CACNA2D3: variants seen among roughly 807,000 people sequenced by gnomAD.
The protein encoded by CACNA2D3 is calcium voltage-gated channel auxiliary subunit alpha2delta 3.
In CACNA2D3, 60 loss-of-function variants were observed where a neutral mutation model predicts 160.6. That is an observed-to-expected ratio of 0.37 (90% CI 0.30 to 0.46). The LOEUF is 0.46. CACNA2D3 is among the 20% of genes least tolerant of loss of function. CACNA2D3 has a pLI of 1.00. For synonymous variants in CACNA2D3, 558 were observed against 492.9 expected (o/e 1.13, Z -1.75); for missense variants, 1,205 against 1,365.0 (o/e 0.88, Z 1.85).
chr3:54,725,212 G>A (rs1275317665), intron 11 of CACNA2D3, among the ~76,000 whole-genome samples: 1 of 152,138 alleles, frequency 6.6e-6, no homozygotes, highest in Admixed American at 6.5e-5. Flanking sequence ...GTCTAAACCA[G>A]GAAGAAGTCG....
intron 17 of CACNA2D3, among the ~76,000 whole-genome samples, chr3:54,865,655 C>A (rs563601618): frequency 6.6e-6 from 1 of 152,320 alleles, no homozygotes; most frequent in African/African-American, 2.4e-5. Context: ...AGGAATAGGG[C>A]TATTTATAAA....
intron 4 of CACNA2D3, among the ~76,000 whole-genome samples, chr3:54,495,102 G>A (rs939033526): frequency 1.3e-5 from 2 of 152,324 alleles, no homozygotes; most frequent in African/African-American, 4.8e-5. Flanking sequence ...CTTAAGAGAA[G>A]GGGTCCTTCC....
At chr3:54,888,141 A>C in intron 24 of CACNA2D3, 89 bp downstream of exon 24, 1 of 1,040,370 alleles carries the variant, frequency 9.6e-7, no homozygotes, top group East Asian at 2.4e-5. Context: ...AAACTGTTTT[A>C]GGAACCTGGT....
intron 2 of CACNA2D3, among the ~76,000 whole-genome samples, chr3:54,288,487 A>G (rs1369390852): frequency 2.0e-5 from 3 of 152,260 alleles, no homozygotes; most frequent in Non-Finnish European, 4.4e-5. Context: ...GAATTCTACC[A>G]GAAGTACAAA....
intron 12 of CACNA2D3, among the ~76,000 whole-genome samples, chr3:54,758,729 C>T (rs13100029): frequency 0.22 from 33,162 of 152,042 alleles, 3,855 homozygotes; most frequent in Admixed American, 0.29. Context: ...TCATTCTTAC[C>T]TCGGCACCCT....
chr3:54,641,760 T>G (rs1280037831), intron 10 of CACNA2D3, among the ~76,000 whole-genome samples: 2 of 152,206 alleles, frequency 1.3e-5, no homozygotes, highest in Non-Finnish European at 2.9e-5. Context: ...GTTTTAACAT[T>G]AGTGCTGATC....
intron 13 of CACNA2D3, among the ~76,000 whole-genome samples, chr3:54,802,301 G>C (rs1703009472): frequency 6.6e-6 from 1 of 152,136 alleles, no homozygotes. Context: ...GGGGTAGGGA[G>C]GGGAGAAGAT....
chr3:54,621,376 G>T (rs543498248), intron 9 of CACNA2D3, among the ~76,000 whole-genome samples: 2 of 152,210 alleles, frequency 1.3e-5, no homozygotes, highest in African/African-American at 4.8e-5. Flanking sequence ...GGATGTGGCC[G>T]TGCTGCTGGC....
intron 2 of CACNA2D3, among the ~76,000 whole-genome samples, chr3:54,303,592 G>A (rs942709432): frequency 6.6e-6 from 1 of 152,162 alleles, no homozygotes; most frequent in African/African-American, 2.4e-5. Flanking sequence ...AAGTTTCAAA[G>A]CATGATACCT....
intron 35 of CACNA2D3, among the ~76,000 whole-genome samples, chr3:55,041,147 T>C (rs922413047): frequency 2.6e-5 from 4 of 152,196 alleles, no homozygotes; most frequent in African/African-American, 9.7e-5. Flanking sequence ...TACTCCATTG[T>C]ATAGAGATAC....
At chr3:54,509,979 T>C (rs150347661) in intron 5 of CACNA2D3, among the ~76,000 whole-genome samples, 1 of 152,288 alleles carries the variant, frequency 6.6e-6, no homozygotes, top group South Asian at 2.1e-4. Context: ...GTTGTATTAG[T>C]AGAAGGAAGG....
rs372624681 is a variant in CACNA2D3 at position 54,316,670 on chromosome 3, C to A, written c.205-3772C>A. 1.2e-4 allele frequency among the ~76,000 whole-genome samples: 18 copies of A among 152,270 alleles called. No homozygotes were observed. In the South Asian group the frequency reaches 1.7e-3, roughly 14 times the overall value. On this transcript the variant is annotated intron_variant, in intron 2 of 37. Coordinates refer to ENST00000474759, the MANE Select transcript of CACNA2D3 (RefSeq NM_018398.3). ...AGAGCTTTGTGCTGAGATTAGTTAG[C>A]GATGTTACAGGCACCAGTAGTCCTG...
At chr3:54,470,027 A>G (rs997939670) in intron 4 of CACNA2D3, among the ~76,000 whole-genome samples, 2 of 152,228 alleles carry the variant, frequency 1.3e-5, no homozygotes, top group African/African-American at 2.4e-5. Flanking sequence ...ATGCCGGAGA[A>G]TTTCCCCAAT....
chr3:54,883,823 C>CT (rs60132112), intron 21 of CACNA2D3, among the ~76,000 whole-genome samples: 18,943 of 88,264 alleles, frequency 0.21, 1,421 homozygotes, highest in African/African-American at 0.22. Flanking sequence ...CTCTCTCTCT[C>CT]CTCTCTCTCC....
At chr3:54,637,809 C>T (rs908392097) in intron 10 of CACNA2D3, 2 of 152,050 alleles carry the variant, frequency 1.3e-5, no homozygotes, top group Non-Finnish European at 1.5e-5. Context: ...GTTCCAGGAG[C>T]TCTGGGAGTG....
At chr3:54,286,510 A>G (rs1703030588) in intron 2 of CACNA2D3, among the ~76,000 whole-genome samples, 1 of 152,250 alleles carries the variant, frequency 6.6e-6, no homozygotes, top group African/African-American at 2.4e-5. Context: ...ACTCTGCAGG[A>G]TATTATCCAG....
At chr3:55,022,519 G>A (rs201602697) in intron 35 of CACNA2D3, among the ~76,000 whole-genome samples, 1 of 145,104 alleles carries the variant, frequency 6.9e-6, no homozygotes, top group African/African-American at 2.8e-5. Context: ...TTTTTTCTTT[G>A]TTCCTTTCTT....
At chr3:54,657,245 A>G (rs1362229627) in intron 11 of CACNA2D3, among the ~76,000 whole-genome samples, 1 of 152,184 alleles carries the variant, frequency 6.6e-6, no homozygotes, top group African/African-American at 2.4e-5. Context: ...CTGGATGTGT[A>G]CGTGCAGGTC....
chr3:54,457,571 G>GGTAAATGTCCATAGGTGTA (rs1700421563), intron 4 of CACNA2D3, among the ~76,000 whole-genome samples: 1 of 152,026 alleles, frequency 6.6e-6, no homozygotes, highest in Non-Finnish European at 1.5e-5. Context: ...CCATAGGTGT[G>GGTAAATGTCCATAGGTGTA]TTTGGTCTAT....
Sources: allele counts gnomAD v4.1 joint callset (sites outside exome capture counted in the v4.1 genomes callset), GRCh38; gene constraint gnomAD v4.1.1; transcripts MANE v1.5; gene names NCBI Gene and HGNC (gene_info 2026-07-23, HGNC 2026-07-21).